PRDM1: variants seen among roughly 807,000 people sequenced by gnomAD.
The protein encoded by PRDM1 is PR/SET domain 1.
Under a neutral mutation model 62.8 loss-of-function variants are expected in PRDM1, and 13 were observed. That is an observed-to-expected ratio of 0.21 (90% CI 0.13 to 0.33). The LOEUF (loss-of-function observed/expected upper bound fraction) is 0.33. Among genes scored for constraint, PRDM1 ranks in the 10% least tolerant of loss-of-function variants. PRDM1 has a pLI of 1.00. For synonymous variants in PRDM1, 396 were observed against 417.6 expected (o/e 0.95, Z 0.63); for missense variants, 895 against 1,058.8 (o/e 0.85, Z 2.15).
intron 1 of PRDM1, among the ~76,000 whole-genome samples, chr6:106,049,753 G>A (rs193204403): frequency 3.3e-5 from 5 of 152,256 alleles, no homozygotes; most frequent in South Asian, 2.1e-4. Context: ...TGCCTTCTCC[G>A]TGCCTGGCAC....
chr6:106,062,733 G>C (rs1258788294), intron 1 of PRDM1, among the ~76,000 whole-genome samples: 2 of 152,158 alleles, frequency 1.3e-5, no homozygotes, highest in South Asian at 4.1e-4. Flanking sequence ...TTGGCTTGCT[G>C]CTGCTCAGCC....
intron 4 of PRDM1, among the ~76,000 whole-genome samples, chr6:106,104,206 T>C (rs927234234): frequency 1.6e-5 from 1 of 60,908 alleles, no homozygotes; most frequent in Non-Finnish European, 3.3e-5. Context: ...AAAATGGAAG[T>C]TTTTTTTTTT....
At chr6:106,080,050 T>A (rs531966314) in intron 1 of PRDM1, among the ~76,000 whole-genome samples, 39 of 152,330 alleles carry the variant, frequency 2.6e-4, no homozygotes, top group African/African-American at 8.9e-4. Flanking sequence ...CACATGCAGG[T>A]AGGCGCCAAA....
At chr6:106,103,688 G>A (rs1378164756) in intron 4 of PRDM1, among the ~76,000 whole-genome samples, 2 of 152,200 alleles carry the variant, frequency 1.3e-5, no homozygotes, top group South Asian at 2.1e-4. Context: ...CTGTGGCAGG[G>A]ATAGTCTAGA....
chr6:105,996,917 A>G (rs1582420015), intron 1 of PRDM1, among the ~76,000 whole-genome samples: 1 of 152,360 alleles, frequency 6.6e-6, no homozygotes, highest in Middle Eastern at 3.4e-3. Flanking sequence ...TTGGTTTGCC[A>G]CATTGAAATA....
intron 1 of PRDM1, among the ~76,000 whole-genome samples, chr6:106,049,364 T>C (rs916841973): frequency 3.3e-5 from 5 of 152,216 alleles, no homozygotes; most frequent in Non-Finnish European, 7.3e-5. Context: ...GTACATTTTA[T>C]GTCTATATGA....
chr6:106,095,065 A>C, intron 2 of PRDM1, among the ~76,000 whole-genome samples: 1 of 151,646 alleles, frequency 6.6e-6, no homozygotes. Flanking sequence ...ACACACACAC[A>C]CACACAAACC....
At chr6:106,036,322 A>G (rs962702228) in intron 1 of PRDM1, among the ~76,000 whole-genome samples, 67 of 151,754 alleles carry the variant, frequency 4.4e-4, no homozygotes, top group African/African-American at 1.5e-3. Context: ...CTAACCATGC[A>G]CTCTAACTTA....
upstream of PRDM1, among the ~76,000 whole-genome samples, chr6:105,992,881 G>C (rs536026441): frequency 6.6e-6 from 1 of 152,302 alleles, no homozygotes; most frequent in South Asian, 2.1e-4. Context: ...CTTTCTAGGC[G>C]TGTGTCTCCA....
chr6:106,099,714 C>A, intron 4 of PRDM1, 162 bp downstream of exon 4: 1 of 866,028 alleles, frequency 1.2e-6, no homozygotes, highest in Non-Finnish European at 1.7e-6. Context: ...TTTTGAGTCC[C>A]TATTAACTAT....
At chr6:106,022,127 G>C (rs1772703644) in intron 1 of PRDM1, among the ~76,000 whole-genome samples, 1 of 152,140 alleles carries the variant, frequency 6.6e-6, no homozygotes, top group African/African-American at 2.4e-5. Flanking sequence ...CAACATAATG[G>C]TACTTCCATT....
At chr6:106,004,637 T>G (rs1441922397) in intron 1 of PRDM1, among the ~76,000 whole-genome samples, 3 of 152,196 alleles carry the variant, frequency 2.0e-5, no homozygotes, top group Non-Finnish European at 4.4e-5. Context: ...TAATGGATTT[T>G]GAAACACAAA....
chr6:106,071,962 T>C (rs1187278416), intron 1 of PRDM1: 1 of 152,206 alleles, frequency 6.6e-6, no homozygotes, highest in Non-Finnish European at 1.5e-5. Flanking sequence ...TCAAGGTTCA[T>C]TAATTGATTT....
At chr6:106,051,701 G>T (rs572952077) in intron 1 of PRDM1, among the ~76,000 whole-genome samples, 2 of 152,292 alleles carry the variant, frequency 1.3e-5, no homozygotes, top group East Asian at 3.9e-4. Context: ...GAAGATTCTG[G>T]AGTCTGAGCC....
chr6:106,081,183 C>T (rs938247032), intron 1 of PRDM1, among the ~76,000 whole-genome samples: 7 of 152,206 alleles, frequency 4.6e-5, no homozygotes, highest in African/African-American at 1.7e-4. Context: ...ATGCCTTCTT[C>T]CAAACTCAGA....
chr6:106,024,802 A>G (rs1170315145), intron 1 of PRDM1, among the ~76,000 whole-genome samples: 1 of 152,176 alleles, frequency 6.6e-6, no homozygotes, highest in Non-Finnish European at 1.5e-5. Context: ...TTCTAGAAGG[A>G]GAGATACTGA....
intron 1 of PRDM1, among the ~76,000 whole-genome samples, chr6:106,014,589 T>A (rs1772596428): frequency 2.0e-5 from 3 of 151,440 alleles, no homozygotes; most frequent in Non-Finnish European, 4.4e-5. Context: ...CTAAATTTAA[T>A]CTGTAACAAA....
At chr6:106,096,248 A>C (rs749007622) in intron 3 of PRDM1, 1 of 156,218 alleles carries the variant, frequency 6.4e-6, no homozygotes, top group Non-Finnish European at 1.4e-5. Flanking sequence ...TCCCAGGTTC[A>C]AGCAATTGTC....
chr6:106,015,115 G>A (rs967205571), intron 1 of PRDM1, among the ~76,000 whole-genome samples: 1 of 152,150 alleles, frequency 6.6e-6, no homozygotes, highest in African/African-American at 2.4e-5. Context: ...AAGGTGGGGA[G>A]GTTGCGTTTC....
Sources: gnomAD v4.1 joint callset for allele counts (sites outside exome capture counted in the v4.1 genomes callset) on GRCh38, gnomAD v4.1.1 for gene constraint, MANE v1.5 for transcripts, NCBI Gene and HGNC (gene_info 2026-07-23, HGNC 2026-07-21) for gene names.